The following SCART1 variants were observed in gnomAD, a reference collection of about 807,000 sequenced individuals.
The protein encoded by SCART1 is scavenger receptor cysteine-rich domain-containing protein SCART1.
In SCART1, 62 loss-of-function variants were observed where a neutral mutation model predicts 36.2. That is an observed-to-expected ratio of 1.71 (90% confidence interval 1.40 to 2.12). The LOEUF is 2.12. SCART1 is among the 30% of genes most tolerant of loss of function. The pLI is 0.00. For synonymous variants in SCART1, 487 were observed against 238.7 expected, an observed-to-expected ratio of 2.04 and a Z score of -9.59; for missense variants, 1,041 against 540.5, an observed-to-expected ratio of 1.93 and a Z score of -9.18.
At chr10:133,460,652 C>T (rs2133554944) in intron 6 of SCART1, among the ~76,000 whole-genome samples, 1 of 151,852 alleles carries the variant, frequency 6.6e-6, no homozygotes, top group African/African-American at 2.4e-5. Flanking sequence ...CCTTCAGCCT[C>T]AGCCTCCCAA....
chr10:133,456,936 G>A (rs1464392620), intron 2 of SCART1: 1 of 495,856 alleles, frequency 2.0e-6, no homozygotes, highest in Non-Finnish European at 3.6e-6. Flanking sequence ...TTGAGGTCTG[G>A]CTCGAGGGTC....
chr10:133,459,270 G>A (rs1478114497), exon 5 of SCART1: 2 of 667,794 alleles, frequency 3.0e-6, no homozygotes, highest in Non-Finnish European at 2.7e-6. Flanking sequence ...TGCCCAGTAA[G>A]CACCCTGGGG....
At chr10:133,460,202 C>T (rs995365102) in intron 6 of SCART1, 32 bp downstream of exon 6, 3 of 460,690 alleles carry the variant, frequency 6.5e-6, no homozygotes, top group Non-Finnish European at 1.1e-5. Context: ...AATGATCATG[C>T]TGTTTTATTA....
At position 133,464,231 on chromosome 10, in the gene SCART1, A is replaced by C. The variant is rs576032117; in HGVS notation, c.1970-375A>C. 1.7e-5 allele frequency: 4 copies of C among 237,442 alleles called. No individual in the cohort carries two copies. The South Asian group carries it at 4.2e-4, about 25-fold the overall frequency. 14.7% of individuals were successfully genotyped at this position (237,442 alleles called of 1,614,324 possible). A position where few individuals can be genotyped will look rare whatever the true frequency, so the allele number is the denominator to read the frequency against. On this transcript the variant is annotated intron_variant, in intron 6 of 11. Transcript: ENST00000640237. The stretch of plus-strand genomic sequence containing the variant: ...GTATCTGTTGTTGGACATTACACTC[A>C]TTCCACATCTTGGCTATTGTCAATA...
At chr10:133,459,687 G>C (rs1301583892) in exon 6 of SCART1, 1 of 700,020 alleles carries the variant, frequency 1.4e-6, no homozygotes, top group South Asian at 1.5e-5. Context: ...ATCCGTCCAG[G>C]TGGCGCTGAG....
At chr10:133,458,921 C>G (rs916336486) in intron 4 of SCART1, 100 bp from the exon 5 acceptor site, 2 of 622,642 alleles carry the variant, frequency 3.2e-6, no homozygotes, top group South Asian at 3.8e-5. Flanking sequence ...AGGCTGGGCT[C>G]TGTGCCCATC....
chr10:133,457,971 G>C (rs1461946876), intron 3 of SCART1: 1 of 517,442 alleles, frequency 1.9e-6, no homozygotes, highest in Non-Finnish European at 3.5e-6. Flanking sequence ...GTGCATATGA[G>C]GAGCAGCTGA....
exon 12 of SCART1, chr10:133,468,539 C>G (rs1850787380): frequency 6.6e-6 from 1 of 152,162 alleles, no homozygotes; most frequent in Admixed American, 6.5e-5. Context: ...CAGTGGAGGT[C>G]TTGTCTCATT....
chr10:133,464,345 T>C (rs867946144), intron 6 of SCART1: 50 of 332,920 alleles, frequency 1.5e-4, no homozygotes, highest in African/African-American at 9.7e-4. Flanking sequence ...TGAACCTGGG[T>C]GCTGCAGTGA....
chr10:133,465,409 G>A (rs1051072711), exon 9 of SCART1: 33 of 587,698 alleles, frequency 5.6e-5, no homozygotes, highest in Non-Finnish European at 9.2e-5. Flanking sequence ...GGCCGTCGCC[G>A]CCCTGGGGGC....
intron 11 of SCART1, 45 bp downstream of exon 11, chr10:133,467,398 C>T (rs559979636): frequency 1.6e-5 from 11 of 668,224 alleles, no homozygotes; most frequent in East Asian, 2.7e-5. Flanking sequence ...GGGTGGGCTA[C>T]GGATGCTGAC....
At chr10:133,457,992 A>G in intron 3 of SCART1, 2 of 527,052 alleles carry the variant, frequency 3.8e-6, no homozygotes, top group Non-Finnish European at 6.9e-6. Context: ...AATGAGGTGG[A>G]TAGTCTGCCT....
intron 1 of SCART1, among the ~76,000 whole-genome samples, chr10:133,455,521 G>A (rs1178318437): frequency 6.6e-6 from 1 of 151,984 alleles, no homozygotes; most frequent in East Asian, 1.9e-4. Context: ...AGGCTGCTCT[G>A]GGACCACACA....
chr10:133,465,626 A>G (rs1850756904), intron 9 of SCART1, 61 bp downstream of exon 9: 3 of 586,896 alleles, frequency 5.1e-6, no homozygotes, highest in Non-Finnish European at 9.0e-6. Flanking sequence ...GGATGGAGTC[A>G]GTCTTGAGTG....
At position 133,457,047 on chromosome 10, in the gene SCART1, C is replaced by T; in HGVS notation, c.386-232C>T. 7.1e-6 allele frequency: 4 copies of T among 561,348 alleles called. No homozygotes were observed. In the East Asian group the frequency reaches 9.2e-5, roughly 13 times the overall value. The allele number at this position is 561,348 out of a possible 1,614,324, so 34.8% of individuals were successfully genotyped here. On this transcript the variant is annotated intron_variant, in intron 2 of 11. Coordinates refer to ENST00000640237, the Ensembl canonical transcript of SCART1. ...GCCAGGACCTCCTACCATTTTGGGG[C>T]CCAGTGTGAACGGATCCTGCGGGGA...
exon 12 of SCART1, chr10:133,468,280 G>A (rs576050016): frequency 1.0e-4 from 22 of 218,288 alleles, no homozygotes; most frequent in Middle Eastern, 1.5e-3. Flanking sequence ...TTCATCTTCC[G>A]CTCCACAGCT....
chr10:133,460,009 TG>T lies in SCART1; in HGVS notation c.1809del (p.Ser604AlafsTer58). ...AGGCAGCTGGGCTGTGGCCGCGCCC[TG>T]AGCGCCCTGGGGGCCGCACACTTCG... is the stretch of plus-strand genomic sequence containing the variant. On this transcript the variant is annotated frameshift_variant, in exon 6 of 12. Transcript: ENST00000640237. LOFTEE classifies it high-confidence loss of function. 1 of 529,912 alleles carries T rather than the reference TG, an allele frequency of 1.9e-6. No homozygotes were observed. The highest frequency in any genetic ancestry group is 3.5e-4 in the Middle Eastern group (1 of 2,822). 32.8% of individuals were successfully genotyped at this position (529,912 alleles called of 1,614,324 possible).
rs1455767237 is a variant in SCART1, at chr10:133,460,188, A to G, written c.1969+18A>G. 3 of 470,936 alleles carry G rather than the reference A, an allele frequency of 6.4e-6. No homozygotes were observed. The highest frequency in any genetic ancestry group is 1.1e-5 in the Non-Finnish European group (3 of 268,206). 29.2% of individuals were successfully genotyped at this position (470,936 alleles called of 1,614,324 possible). A position where few individuals can be genotyped will look rare whatever the true frequency, so the allele number is the denominator to read the frequency against. On this transcript the variant is annotated intron_variant, in intron 6 of 11. Coordinates refer to ENST00000640237, the Ensembl canonical transcript of SCART1. ...CTGCTCAGGTGAGCGGCCGTTGGGT[A>G]TGGAATGATCATGCTGTTTTATTAC...
chr10:133,460,437 A>G (rs1038276888), intron 6 of SCART1, among the ~76,000 whole-genome samples: 1 of 148,280 alleles, frequency 6.7e-6, no homozygotes, highest in Non-Finnish European at 1.5e-5. Context: ...CGCCGTAACC[A>G]GCTCAAGTGC....
Sources: gnomAD v4.1 joint callset for allele counts (sites outside exome capture counted in the v4.1 genomes callset) on GRCh38, gnomAD v4.1.1 for gene constraint, MANE v1.5 for transcripts, NCBI Gene and HGNC (gene_info 2026-07-23, HGNC 2026-07-21) for gene names.